The following ABCA13 variants were observed in gnomAD, a reference collection of about 807,000 sequenced individuals.
ABCA13 encodes ATP-binding cassette sub-family A member 13.
Under a neutral mutation model 478.7 loss-of-function variants are expected in ABCA13, and 476 were observed. The ratio of observed to expected loss-of-function variants is 0.99; its 90% confidence interval spans 0.92 to 1.07. The LOEUF (loss-of-function observed/expected upper bound fraction) is 1.07. Among genes scored for constraint, ABCA13 ranks in the 50% least tolerant of loss-of-function variants. The probability of loss-of-function intolerance (pLI) is 0.00; values close to 1 mark genes in which losing one functional copy is unlikely to be tolerated. For missense variants in ABCA13, 6,060 were observed against 5,910.6 expected, an observed-to-expected ratio of 1.03 and a Z score of -0.83; for synonymous variants, 2,252 against 2,158.9, an observed-to-expected ratio of 1.04 and a Z score of -1.20.
chr7:48,408,940 C>T (rs1324116781), intron 39 of ABCA13, among the ~76,000 whole-genome samples: 3 of 152,200 alleles, frequency 2.0e-5, no homozygotes, highest in South Asian at 2.1e-4. Context: ...TGAGAACATG[C>T]GGTGTTTGGT....
Position 48,274,606 on chromosome 7 carries a change from A to G in ABCA13, c.4940A>G (p.His1647Arg). ...DVFNSLMPVV[H>R]HTSPQNAGYM... Reference sequence around the variant, plus strand: ...TTCAACTCCTTAATGCCTGTAGTTCATCACACTAGTCCACAAAATGCAGGT... The same window carrying G: ...TTCAACTCCTTAATGCCTGTAGTTCGTCACACTAGTCCACAAAATGCAGGT... The change falls in exon 17 of 62, where the codon CAT becomes CGT. Residue 1647 changes from histidine to arginine, a missense_variant. By Grantham distance (29) the His-to-Arg change is conservative. Transcript: ENST00000435803. The G allele has an allele frequency of 6.2e-7, 1 of 1,614,004 alleles. No individual in the cohort carries two copies. Among genetic ancestry groups the G allele is most frequent in the Admixed American group, 1.7e-5 (1 of 60,032 alleles).
chr7:48,368,971 T>A (rs1257403933), intron 32 of ABCA13, among the ~76,000 whole-genome samples: 1 of 151,978 alleles, frequency 6.6e-6, no homozygotes, highest in Non-Finnish European at 1.5e-5. Context: ...CTTTAAGGAA[T>A]CTCCACACTG....
At chr7:48,349,095 G>C (rs891583797) in intron 29 of ABCA13, among the ~76,000 whole-genome samples, 5 of 152,098 alleles carry the variant, frequency 3.3e-5, no homozygotes, top group African/African-American at 9.7e-5. Flanking sequence ...TAGATATAAG[G>C]GTTCAGTGAG....
intron 58 of ABCA13, among the ~76,000 whole-genome samples, chr7:48,600,804 A>C (rs1047856645): frequency 6.6e-6 from 1 of 152,210 alleles, no homozygotes; most frequent in Non-Finnish European, 1.5e-5. Context: ...TATATCAAAA[A>C]GACATATCCA....
chr7:48,588,859 A>T (rs1234385898), intron 57 of ABCA13, among the ~76,000 whole-genome samples: 1 of 152,244 alleles, frequency 6.6e-6, no homozygotes, highest in African/African-American at 2.4e-5. Flanking sequence ...CTCAGAGCTG[A>T]CATCAAGGAG....
At chr7:48,321,960 T>C (rs1008855738) in intron 27 of ABCA13, among the ~76,000 whole-genome samples, 14 of 152,192 alleles carry the variant, frequency 9.2e-5, no homozygotes, top group Non-Finnish European at 1.5e-4. Flanking sequence ...GTTTGAGCAT[T>C]CACCCCAAAG....
At chr7:48,318,352 G>C (rs528138045) in intron 27 of ABCA13, among the ~76,000 whole-genome samples, 36 of 151,986 alleles carry the variant, frequency 2.4e-4, no homozygotes, top group African/African-American at 8.4e-4. Flanking sequence ...TTTTTGTTTT[G>C]TTTTGTTTTT....
At chr7:48,597,711 T>C (rs1320513140) in intron 58 of ABCA13, among the ~76,000 whole-genome samples, 3 of 152,256 alleles carry the variant, frequency 2.0e-5, no homozygotes, top group Non-Finnish European at 2.9e-5. Context: ...TTCATGTGCC[T>C]ATTGGTTATT....
intron 35 of ABCA13, among the ~76,000 whole-genome samples, chr7:48,386,496 G>A (rs1025332950): frequency 6.6e-6 from 1 of 152,146 alleles, no homozygotes; most frequent in African/African-American, 2.4e-5. Flanking sequence ...ATGCTACAGG[G>A]CTACAGTAAC....
intron 55 of ABCA13, among the ~76,000 whole-genome samples, chr7:48,539,174 G>A (rs1032695174): frequency 6.6e-6 from 1 of 152,106 alleles, no homozygotes; most frequent in Non-Finnish European, 1.5e-5. Context: ...TGAGCCCAGA[G>A]TTTGAGACCG....
At chr7:48,539,859 G>A (rs938148389) in intron 55 of ABCA13, among the ~76,000 whole-genome samples, 2 of 152,182 alleles carry the variant, frequency 1.3e-5, no homozygotes, top group African/African-American at 4.8e-5. Context: ...TTGCAGACCT[G>A]AAATCAAATC....
At chr7:48,421,693 G>A (rs971183725) in intron 41 of ABCA13, among the ~76,000 whole-genome samples, 9 of 152,148 alleles carry the variant, frequency 5.9e-5, no homozygotes, top group Non-Finnish European at 1.2e-4. Flanking sequence ...ATGGTGATTG[G>A]GGTGTTGCTG....
intron 55 of ABCA13, among the ~76,000 whole-genome samples, chr7:48,575,776 C>T (rs1215341113): frequency 6.6e-6 from 1 of 152,048 alleles, no homozygotes; most frequent in African/African-American, 2.4e-5. Context: ...CTTTCATTTT[C>T]ACAACAGGAA....
chr7:48,584,590 G>T (rs1283168622), intron 56 of ABCA13, among the ~76,000 whole-genome samples: 2 of 152,136 alleles, frequency 1.3e-5, no homozygotes, highest in African/African-American at 4.8e-5. Flanking sequence ...TGCTGTCCAG[G>T]GCTGGTTCCT....
intron 44 of ABCA13, among the ~76,000 whole-genome samples, chr7:48,468,610 T>A (rs1345430568): frequency 6.6e-6 from 1 of 152,214 alleles, no homozygotes; most frequent in African/African-American, 2.4e-5. Flanking sequence ...GCAAAAAGTT[T>A]TACTTAAAAC....
At chr7:48,607,757 T>C (rs1791616123) in intron 58 of ABCA13, among the ~76,000 whole-genome samples, 1 of 152,200 alleles carries the variant, frequency 6.6e-6, no homozygotes, top group South Asian at 2.1e-4. Context: ...CTGTGGTGGT[T>C]ATTGTTGCCA....
At chr7:48,522,048 T>C (rs1345868939) in intron 53 of ABCA13, among the ~76,000 whole-genome samples, 1 of 152,162 alleles carries the variant, frequency 6.6e-6, no homozygotes, top group Non-Finnish European at 1.5e-5. Flanking sequence ...CACAGGGATA[T>C]TTGTTGCCCT....
rs111757272 is a variant in ABCA13 at position 48,379,588 on chromosome 7, T to C, written c.11335+3016T>C. On this transcript the variant is annotated intron_variant, in intron 35 of 61. Transcript: ENST00000435803. Reference sequence around the variant, plus strand: ...GTTGCTTATGCTTATGTGGAATAAGTTCGGATTTAAAAGAAGGAGAAAGGT... The same window carrying C: ...GTTGCTTATGCTTATGTGGAATAAGCTCGGATTTAAAAGAAGGAGAAAGGT... 6.4e-3 allele frequency among the ~76,000 whole-genome samples: 971 copies of C among 152,054 alleles called. 15 individuals are homozygous for C. Among genetic ancestry groups the C allele is most frequent in the African/African-American group, 0.022 (929 of 41,472 alleles).
intron 16 of ABCA13, among the ~76,000 whole-genome samples, chr7:48,269,900 C>A (rs891035265): frequency 1.3e-5 from 2 of 152,162 alleles, no homozygotes; most frequent in Non-Finnish European, 2.9e-5. Context: ...TTAGTAGGAA[C>A]AGAAGAAAGG....
Sources: allele counts gnomAD v4.1 joint callset (sites outside exome capture counted in the v4.1 genomes callset), GRCh38; gene constraint gnomAD v4.1.1; transcripts MANE v1.5; gene names NCBI Gene and HGNC (gene_info 2026-07-23, HGNC 2026-07-21).